Variants in GSE1 observed in about 807,000 individuals in gnomAD.
The protein encoded by GSE1 is Gse1 coiled-coil protein.
GSE1 carries 32 observed loss-of-function variants against 112.6 expected under a neutral mutation model. The observed-to-expected ratio is 0.28, with a 90% confidence interval of 0.21 to 0.38. The LOEUF (loss-of-function observed/expected upper bound fraction) is 0.38, where lower values mean the gene tolerates loss of function less well. Ranked by LOEUF, GSE1 falls within the 10% of genes least tolerant of loss-of-function variation. The probability of loss-of-function intolerance (pLI) is 1.00; values close to 1 mark genes in which losing one functional copy is unlikely to be tolerated. For synonymous variants in GSE1, 1,115 were observed against 735.6 expected, an observed-to-expected ratio of 1.52 and a Z score of -8.35; for missense variants, 2,348 against 1,699.2, an observed-to-expected ratio of 1.38 and a Z score of -6.71.
At chr16:85,347,727 A>G (rs1363201647) in intron 1 of GSE1, among the ~76,000 whole-genome samples, 1 of 152,206 alleles carries the variant, frequency 6.6e-6, no homozygotes, top group Non-Finnish European at 1.5e-5. Context: ...TGCAGGGACA[A>G]GCTCAGGCCT....
intron 1 of GSE1, among the ~76,000 whole-genome samples, chr16:85,354,485 CA>C (rs2046910653): frequency 6.6e-6 from 1 of 152,260 alleles, no homozygotes; most frequent in Non-Finnish European, 1.5e-5. Flanking sequence ...AGCCTCACCA[CA>C]GCCGTGTTTG....
chr16:85,264,957 T>C (rs1908085858), intron 1 of GSE1, among the ~76,000 whole-genome samples: 1 of 152,138 alleles, frequency 6.6e-6, no homozygotes, highest in African/African-American at 2.4e-5. Flanking sequence ...AGTTTTCTCC[T>C]CTGAGAAATG....
chr16:85,271,302 T>TC (rs1445030506), intron 1 of GSE1, among the ~76,000 whole-genome samples: 1 of 152,062 alleles, frequency 6.6e-6, no homozygotes, highest in Admixed American at 6.5e-5. Flanking sequence ...AGCCTCTTCC[T>TC]CCCCTGCCCC....
At chr16:85,578,176 C>T (rs981071520) in intron 1 of GSE1, among the ~76,000 whole-genome samples, 9 of 152,266 alleles carry the variant, frequency 5.9e-5, no homozygotes, top group East Asian at 1.9e-4. Flanking sequence ...CCCCCTGAGC[C>T]GCCCCAGATA....
At chr16:85,502,306 T>TGTGCTGTGGGTA (rs2051395346) in intron 2 of GSE1, among the ~76,000 whole-genome samples, 1 of 152,210 alleles carries the variant, frequency 6.6e-6, no homozygotes, top group African/African-American at 2.4e-5. Flanking sequence ...GAGATCAGCC[T>TGTGCTGTGGGTA]GTGCTGTGGG....
intron 2 of GSE1, among the ~76,000 whole-genome samples, chr16:85,533,711 A>T (rs929294210): frequency 7.9e-5 from 12 of 152,094 alleles, no homozygotes; most frequent in Non-Finnish European, 1.6e-4. Flanking sequence ...AAAAAATTTT[A>T]AAAACTATCT....
chr16:85,555,870 C>G (rs1367494771), upstream of GSE1: 2 of 848,160 alleles, frequency 2.4e-6, no homozygotes, highest in African/African-American at 3.8e-5. Context: ...ATCTTAACCC[C>G]CCAATTTCAT....
At chr16:85,354,692 T>C (rs1473356586) in intron 1 of GSE1, among the ~76,000 whole-genome samples, 1 of 152,228 alleles carries the variant, frequency 6.6e-6, no homozygotes, top group Non-Finnish European at 1.5e-5. Context: ...GGGGCTTGAA[T>C]GCAGATGCGG....
At chr16:85,233,010 C>T (rs888661541) in intron 1 of GSE1, among the ~76,000 whole-genome samples, 4 of 152,220 alleles carry the variant, frequency 2.6e-5, no homozygotes, top group Non-Finnish European at 5.9e-5. Flanking sequence ...AGATGGCAGT[C>T]GGCAGTCGAG....
chr16:85,599,088 A>T (rs1380086275), intron 1 of GSE1, among the ~76,000 whole-genome samples: 1 of 152,216 alleles, frequency 6.6e-6, no homozygotes, highest in African/African-American at 2.4e-5. Context: ...CGCCGATAGA[A>T]GTTGTTAAAT....
intron 1 of GSE1, among the ~76,000 whole-genome samples, chr16:85,220,885 C>T (rs916835526): frequency 1.3e-5 from 2 of 152,020 alleles, no homozygotes; most frequent in East Asian, 3.9e-4. Flanking sequence ...CTTCCCAAAT[C>T]GTGCCCCCCA....
chr16:85,656,374 A>T lies in GSE1; in HGVS notation c.1021A>T (p.Arg341Trp). The T allele has an allele frequency of 6.2e-7, 1 of 1,601,454 alleles. No homozygotes were observed. The highest frequency in any genetic ancestry group is 1.1e-5 in the South Asian group (1 of 90,616). Residue 341 changes from arginine to tryptophan, a missense_variant, in exon 7 of 16, where the codon AGG (arginine) becomes TGG (tryptophan). Transcript: ENST00000253458. ...LQMDEELRRE[R>W]ERERERERER... ...GATGGACGAGGAGCTAAGGCGGGAGAGGGAGCGCGAGCGCGAGCGCGAGCG... is the reference window on the plus strand; with the variant it reads ...GATGGACGAGGAGCTAAGGCGGGAGTGGGAGCGCGAGCGCGAGCGCGAGCG...
Position 85,668,042 on chromosome 16 carries a change from G to A in GSE1, c.3131-98G>A. The A allele has an allele frequency of 3.3e-6, 3 of 920,708 alleles. No individual in the cohort carries two copies. The South Asian group carries it at 5.0e-5, about 15-fold the overall frequency. The allele number at this position is 920,708 out of a possible 1,614,324, so 57.0% of individuals were successfully genotyped here. On this transcript the variant is annotated intron_variant, in intron 13 of 15. Transcript: ENST00000253458. Reference sequence around the variant, plus strand: ...TTGGTCCCCGGAGCCCTGCAGTCATGTTGACTCTGCACCAAGGGCAGAGCA... The same window carrying A: ...TTGGTCCCCGGAGCCCTGCAGTCATATTGACTCTGCACCAAGGGCAGAGCA...
chr16:85,204,518 T>C (rs1365800956), intron 1 of GSE1, among the ~76,000 whole-genome samples: 4 of 152,224 alleles, frequency 2.6e-5, no homozygotes, highest in Non-Finnish European at 5.9e-5. Flanking sequence ...TGTGTTTAAC[T>C]TTTTGAGGAC....
intron 14 of GSE1, among the ~76,000 whole-genome samples, chr16:85,668,946 G>C (rs898062149): frequency 6.6e-6 from 1 of 152,246 alleles, no homozygotes; most frequent in African/African-American, 2.4e-5. Context: ...TTAGTCGAAG[G>C]CTTGCCGCCT....
At chr16:85,570,292 G>C (rs1264995522) in intron 1 of GSE1, among the ~76,000 whole-genome samples, 1 of 152,164 alleles carries the variant, frequency 6.6e-6, no homozygotes, top group Non-Finnish European at 1.5e-5. Flanking sequence ...AGGCTGTCAA[G>C]TCTGTGCTTA....
intron 2 of GSE1, among the ~76,000 whole-genome samples, chr16:85,484,888 A>G (rs916193368): frequency 3.3e-5 from 5 of 152,176 alleles, no homozygotes; most frequent in Non-Finnish European, 5.9e-5. Context: ...TGTGATGGCC[A>G]TGTGGGTGCT....
chr16:85,411,835 A>G (rs1267356231), intron 2 of GSE1, among the ~76,000 whole-genome samples: 1 of 8,124 alleles, frequency 1.2e-4, no homozygotes, highest in East Asian at 1.8e-3. Flanking sequence ...CGTTACACTC[A>G]GGGCCCCCTG....
intron 11 of GSE1, 186 bp from the exon 12 acceptor site, chr16:85,664,829 A>T: frequency 3.4e-6 from 2 of 590,226 alleles, no homozygotes; most frequent in Non-Finnish European, 6.1e-6. Context: ...GTGGATGCCG[A>T]GAGCAATCTG....
Sources: allele counts gnomAD v4.1 joint callset (sites outside exome capture counted in the v4.1 genomes callset), GRCh38; gene constraint gnomAD v4.1.1; transcripts MANE v1.5; gene names NCBI Gene and HGNC (gene_info 2026-07-23, HGNC 2026-07-21).